EDARADD: variants seen among roughly 807,000 people sequenced by gnomAD.
EDARADD encodes ectodysplasin-A receptor-associated adapter protein.
In EDARADD, 20 loss-of-function variants were observed where a neutral mutation model predicts 25.6. That is an observed-to-expected ratio of 0.78 (90% CI 0.55 to 1.14). The LOEUF is 1.14. EDARADD is among the 50% of genes most tolerant of loss of function. The pLI is 0.00. For missense variants in EDARADD, 225 were observed against 270.1 expected, an observed-to-expected ratio of 0.83 and a Z score of 1.17; for synonymous variants, 86 against 94.4, an observed-to-expected ratio of 0.91 and a Z score of 0.52.
intron 4 of EDARADD, among the ~76,000 whole-genome samples, chr1:236,457,575 C>T (rs1022282076): frequency 4.6e-5 from 7 of 151,848 alleles, no homozygotes; most frequent in African/African-American, 1.7e-4. Context: ...AATCCCAGCA[C>T]TTTGGGAGGC....
At position 236,377,027 on chromosome 1, in the gene EDARADD, A is replaced by AT. The variant is rs557497746; in HGVS notation, c.-6+26194dup. On this transcript the variant is annotated intron_variant, in intron 3 of 7. Coordinates refer to the EDARADD transcript ENST00000439430. ...TTTTATCTGTAGCATTTCTTTTTTG[A>AT]TTTTTTCTTAGAATTTCCATCTCTC... 1.5e-4 allele frequency among the ~76,000 whole-genome samples: 22 copies of AT among 148,596 alleles called. 1 individual carries two copies. The South Asian group carries it at 4.5e-3, about 30-fold the overall frequency.
At chr1:236,383,458 C>T (rs1667323107) in intron 3 of EDARADD, among the ~76,000 whole-genome samples, 2 of 151,388 alleles carry the variant, frequency 1.3e-5, no homozygotes, top group South Asian at 2.1e-4. Flanking sequence ...GTTTGTATTC[C>T]AGCTCCCAGA....
chr1:236,404,754 G>C (rs1667676934), intron 1 of EDARADD, among the ~76,000 whole-genome samples: 1 of 152,006 alleles, frequency 6.6e-6, no homozygotes, highest in Non-Finnish European at 1.5e-5. Flanking sequence ...AGTAAGCGGT[G>C]ATCACATCGC....
chr1:236,395,458 G>A lies in EDARADD; in HGVS notation c.61+953G>A, dbSNP rs1667497621. On this transcript the variant is annotated intron_variant, in intron 1 of 5. Coordinates refer to ENST00000334232, the MANE Select transcript of EDARADD (RefSeq NM_145861.4). This position sits in a 1 kb window ranked among gnomAD's most constrained non-coding sequence, Gnocchi z 6.9. ...GTGAGCTCGTGGAAGAAGCGAAGGAGGAGAAGAAGAAGGGAGGGGAAGGCG... is the reference window on the plus strand; with the variant it reads ...GTGAGCTCGTGGAAGAAGCGAAGGAAGAGAAGAAGAAGGGAGGGGAAGGCG... 1.3e-6 allele frequency: 2 copies of A among 1,488,916 alleles called. No individual in the cohort carries two copies. The highest frequency in any genetic ancestry group is 1.3e-5 in the South Asian group (1 of 77,618). The allele number at this position is 1,488,916 out of a possible 1,614,324, so 92.2% of individuals were successfully genotyped here. A position where few individuals can be genotyped will look rare whatever the true frequency, so the allele number is the denominator to read the frequency against.
chr1:236,402,162 A>G (rs1405572721), intron 1 of EDARADD, among the ~76,000 whole-genome samples: 1 of 152,158 alleles, frequency 6.6e-6, no homozygotes, highest in South Asian at 2.1e-4. Flanking sequence ...GGGTTTTCCC[A>G]TATTGGTCAG....
intron 5 of EDARADD, among the ~76,000 whole-genome samples, chr1:236,480,133 A>ATATATATATATATATCTATC (rs1553271650): frequency 2.1e-5 from 3 of 142,088 alleles, no homozygotes; most frequent in African/African-American, 8.0e-5. Context: ...ATATATATAT[A>ATATATATATATATATCTATC]TATCACATTT....
chr1:236,394,766 G>A (rs1016878876), intron 1 of EDARADD, among the ~76,000 whole-genome samples: 6 of 152,118 alleles, frequency 3.9e-5, no homozygotes, highest in African/African-American at 1.2e-4. Flanking sequence ...TTAAAATGTA[G>A]CAATCTTAAA....
chr1:236,363,030 T>TATATATATATAA (rs796610771), intron 3 of EDARADD, among the ~76,000 whole-genome samples: 1,371 of 101,340 alleles, frequency 0.014, 45 homozygotes, highest in East Asian at 0.028. Context: ...TATATATATA[T>TATATATATATAA]ATAAAATTTG....
In EDARADD at chr1:236,448,055, A is replaced by G. The variant is rs192490666; in HGVS notation, c.220-20176A>G. ...TCTCCATATTGGTCAGGCTGGTCTC[A>G]AACTTCTGACCTCAGGTGATCCGCC... On this transcript the variant is annotated intron_variant, in intron 4 of 5. Transcript: ENST00000334232. Among the ~76,000 whole-genome samples the G allele has an allele frequency of 5.9e-3, 901 of 152,230 alleles. 13 individuals are homozygous for G. Among genetic ancestry groups the G allele is most frequent in the African/African-American group, 0.02 (835 of 41,546 alleles).
intron 5 of EDARADD, among the ~76,000 whole-genome samples, chr1:236,470,304 A>G (rs1332747204): frequency 1.3e-5 from 2 of 152,086 alleles, no homozygotes; most frequent in African/African-American, 2.4e-5. Context: ...GGGAGCATTA[A>G]TTTTTTCCAT....
chr1:236,363,266 G>C (rs1463352695), intron 3 of EDARADD, among the ~76,000 whole-genome samples: 1 of 151,710 alleles, frequency 6.6e-6, no homozygotes, highest in Non-Finnish European at 1.5e-5. Flanking sequence ...GTTTGGATCT[G>C]TGTCCCCACC....
At position 236,441,535 on chromosome 1, in the gene EDARADD, A is replaced by T. The variant is rs12065622; in HGVS notation, c.219+14085A>T. Among the ~76,000 whole-genome samples the T allele has an allele frequency of 8.5e-3, 1,256 of 147,254 alleles. 16 individuals carry two copies. The highest frequency in any genetic ancestry group is 0.028 in the African/African-American group (1,133 of 40,410). On this transcript the variant is annotated intron_variant, in intron 4 of 5. Transcript: ENST00000334232. ...TAATATTTATATATTATATATATAT[A>T]TTTTTTGAGATGGAGTCTCACTCTA...
intron 4 of EDARADD, among the ~76,000 whole-genome samples, chr1:236,463,883 T>C (rs1659107865): frequency 6.6e-6 from 1 of 152,192 alleles, no homozygotes; most frequent in South Asian, 2.1e-4. Flanking sequence ...GTCCATCCCT[T>C]GCTCCTTGAA....
At chr1:236,407,122 A>G (rs1667752069) in intron 1 of EDARADD, among the ~76,000 whole-genome samples, 1 of 152,008 alleles carries the variant, frequency 6.6e-6, no homozygotes, top group Non-Finnish European at 1.5e-5. Flanking sequence ...CTAGGAAAGG[A>G]CCTCAAATTT....
At chr1:236,414,222 A>G (rs1470762644) in intron 2 of EDARADD, 38 bp from the exon 3 acceptor site, 3 of 1,559,492 alleles carry the variant, frequency 1.9e-6, no homozygotes, top group Non-Finnish European at 2.7e-6. Context: ...CTTACATGGC[A>G]TTTAAAAATA....
chr1:236,422,630 G>C (rs1389381466), intron 3 of EDARADD, among the ~76,000 whole-genome samples: 1 of 152,164 alleles, frequency 6.6e-6, no homozygotes, highest in Non-Finnish European at 1.5e-5. Flanking sequence ...GTGTATGATG[G>C]GGGTGATGTC....
chr1:236,421,489 C>CTTTTTTT (rs34922732), intron 3 of EDARADD, among the ~76,000 whole-genome samples: 3 of 75,444 alleles, frequency 4.0e-5, no homozygotes, highest in Admixed American at 1.5e-4. Flanking sequence ...CTTCCCAGTT[C>CTTTTTTT]TTTTTTTTTT....
intron 4 of EDARADD, among the ~76,000 whole-genome samples, chr1:236,462,955 T>A (rs1659078127): frequency 6.6e-6 from 1 of 152,186 alleles, no homozygotes; most frequent in South Asian, 2.1e-4. Flanking sequence ...AAATGAGAAG[T>A]TCTTCCCAGC....
intron 1 of EDARADD, among the ~76,000 whole-genome samples, chr1:236,396,596 T>C (rs1025250466): frequency 2.0e-5 from 3 of 152,182 alleles, no homozygotes; most frequent in Non-Finnish European, 4.4e-5. Flanking sequence ...AAGGAGACAG[T>C]GTGTCTGCAG....
Sources: gnomAD v4.1 joint callset for allele counts (sites outside exome capture counted in the v4.1 genomes callset) on GRCh38, gnomAD v4.1.1 for gene constraint, Gnocchi (gnomAD v3.1) non-coding constraint, MANE v1.5 for transcripts, NCBI Gene and HGNC (gene_info 2026-07-23, HGNC 2026-07-21) for gene names.